SPAG17: variants seen among roughly 807,000 people sequenced by gnomAD.
The protein encoded by SPAG17 is sperm associated antigen 17.
A neutral mutation model predicts 273.6 loss-of-function variants in SPAG17; 169 were observed. That is an observed-to-expected ratio of 0.62 (90% CI 0.55 to 0.70). The LOEUF is 0.70. Ranked by LOEUF, SPAG17 falls within the 30% of genes least tolerant of loss-of-function variation. The pLI is 0.00. For missense variants in SPAG17, 2,557 were observed against 2,627.8 expected, an observed-to-expected ratio of 0.97 and a Z score of 0.59; for synonymous variants, 825 against 873.2, an observed-to-expected ratio of 0.94 and a Z score of 0.97.
rs554279509 is a variant in SPAG17, at chr1:118,160,617, G to A, written c.88-9248C>T. On this transcript the variant is annotated intron_variant, in intron 1 of 48. Transcript: ENST00000336338. Reference sequence around the variant, plus strand: ...TAATTTCTACATCCATCTTGAGTGGGGCATATCCAGGGCTACTTCTACAAA... The same window carrying A: ...TAATTTCTACATCCATCTTGAGTGGAGCATATCCAGGGCTACTTCTACAAA... 9.3e-4 allele frequency among the ~76,000 whole-genome samples: 142 copies of A among 152,236 alleles called. 1 individual carries two copies. The highest frequency in any genetic ancestry group is 3.2e-3 in the African/African-American group (133 of 41,542).
chr1:118,161,178 A>G (rs1024811840), intron 1 of SPAG17, among the ~76,000 whole-genome samples: 4 of 152,164 alleles, frequency 2.6e-5, no homozygotes, highest in African/African-American at 7.2e-5. Context: ...TCTAGAGACT[A>G]TTTCTTGTAA....
In SPAG17 at chr1:118,081,476, A is replaced by G. The variant is rs1391209503; in HGVS notation, c.1929T>C (p.Ala643=). 6.2e-7 allele frequency: 1 copy of G among 1,613,862 alleles called. No individual in the cohort carries two copies. Among genetic ancestry groups the G allele is most frequent in the South Asian group, 1.1e-5 (1 of 91,084 alleles). ...NIPWDNPARF[A]KQIRQQYVMK... ...TGACATATTGCTGCCTTATCTGTTT[A>G]GCAAATCTGGCAGGGTTGTCCCACG... The change falls in exon 14 of 49, where the codon GCT becomes GCC. Residue 643 remains alanine (A), a synonymous_variant. Coordinates refer to ENST00000336338, the MANE Select transcript of SPAG17 (RefSeq NM_206996.4).
At chr1:118,119,942 T>C (rs1471341025) in intron 3 of SPAG17, among the ~76,000 whole-genome samples, 2 of 152,224 alleles carry the variant, frequency 1.3e-5, no homozygotes, top group African/African-American at 4.8e-5. Flanking sequence ...CTTACGTATA[T>C]GGTTTTTAAT....
chr1:117,990,292 T>C (rs1418541935), intron 38 of SPAG17, among the ~76,000 whole-genome samples: 1 of 152,234 alleles, frequency 6.6e-6, no homozygotes, highest in Admixed American at 6.5e-5. Context: ...CAGTTTATGA[T>C]CTTTGCCATA....
chr1:118,079,482 A>C (rs1303197578), intron 15 of SPAG17, among the ~76,000 whole-genome samples: 1 of 151,972 alleles, frequency 6.6e-6, no homozygotes, highest in African/African-American at 2.4e-5. Context: ...TTTATGATTA[A>C]CCTTATATAA....
At chr1:118,023,485 T>C in intron 27 of SPAG17, 22 bp from the exon 28 acceptor site, 11 of 1,597,888 alleles carry the variant, frequency 6.9e-6, no homozygotes, top group Non-Finnish European at 9.4e-6. Context: ...ACAAAAGTTT[T>C]CAGCATTCTC....
chr1:117,980,020 AATATGGGAGGGGTCTAGCTCCATCAG>A (rs372352717), intron 43 of SPAG17, among the ~76,000 whole-genome samples: 6 of 152,152 alleles, frequency 3.9e-5, no homozygotes, highest in East Asian at 1.9e-4. Context: ...GTTTGCCCAT[AATATGGGAGGGGTCTAGCTCCATCAG>A]ATATGGGAGG....
intron 20 of SPAG17, among the ~76,000 whole-genome samples, chr1:118,051,502 C>T (rs1230752626): frequency 6.6e-6 from 1 of 150,772 alleles, no homozygotes; most frequent in African/African-American, 2.4e-5. Context: ...ATCTAGGACG[C>T]TTACATCCAT....
In SPAG17 at chr1:118,101,647, C is replaced by T. The variant is rs181299029; in HGVS notation, c.634+93G>A. On this transcript the variant is annotated intron_variant, in intron 5 of 48. Transcript: ENST00000336338. ...GGGGAATTGGCGTCAGGAAACTATGCGCTCTATGTGAGTCACCAAATTAAC... is the reference window on the plus strand; with the variant it reads ...GGGGAATTGGCGTCAGGAAACTATGTGCTCTATGTGAGTCACCAAATTAAC... The T allele has an allele frequency of 5.5e-3, 6,873 of 1,241,302 alleles. 31 individuals are homozygous for T. Among genetic ancestry groups the T allele is most frequent in the Non-Finnish European group, 6.8e-3 (5,970 of 883,416 alleles). The allele number at this position is 1,241,302 out of a possible 1,614,324, so 76.9% of individuals were successfully genotyped here.
chr1:118,066,762 G>T lies in SPAG17; in HGVS notation c.2523C>A (p.His841Gln). Residue 841 changes from histidine to glutamine, a missense_variant, in exon 18 of 49, where the codon CAC becomes CAA. Transcript: ENST00000336338. The part of the protein sequence containing the change: ...LHCEYWNIAL[H>Q]SNVGFRNYLE... ...TTTGTTACCTGAATCCAACATTGGA[G>T]TGGAGAGCAATGTTCCAATATTCAC... The T allele has an allele frequency of 6.2e-7, 1 of 1,610,294 alleles. No homozygotes were observed. The highest frequency in any genetic ancestry group is 8.5e-7 in the Non-Finnish European group (1 of 1,178,960).
chr1:118,081,157 C>A lies in SPAG17; in HGVS notation c.2153G>T (p.Arg718Ile). The A allele has an allele frequency of 6.2e-7, 1 of 1,613,890 alleles. No homozygotes were observed. The highest frequency in any genetic ancestry group is 1.1e-5 in the South Asian group (1 of 91,054). ...NNLKLSVPDN[R>I]QLLEQESIMK... ...GATGCTCTCCTGCTCTAACAGCTGT[C>A]TATTATCAGGGACTGAGAGTTTGAG... The change falls in exon 15 of 49, where the codon AGA becomes ATA. Residue 718 changes from arginine to isoleucine, a missense_variant. Arg to Ile is a moderately conservative substitution (Grantham distance 97, BLOSUM62 -3). Transcript: ENST00000336338.
chr1:118,027,770 T>C (rs1647924199), intron 26 of SPAG17, among the ~76,000 whole-genome samples: 1 of 152,246 alleles, frequency 6.6e-6, no homozygotes. Context: ...TATAAAATTA[T>C]ATATAGATAC....
Position 117,981,283 on chromosome 1 carries a change from T to G in SPAG17, c.5991A>C (p.Thr1997=). Residue 1997 remains threonine (T), a synonymous_variant, in exon 43 of 49, where the codon ACA becomes ACC. Coordinates refer to ENST00000336338, the MANE Select transcript of SPAG17 (RefSeq NM_206996.4). Reference sequence around the variant, plus strand: ...AGACTGCCATACCTTCAGGAGATTTTGTTAAATTTTCAGTTTGGTTCTGAG... The same window carrying G: ...AGACTGCCATACCTTCAGGAGATTTGGTTAAATTTTCAGTTTGGTTCTGAG... ...FTAQNQTENL[T]KSPEEAESYE... is the part of the protein sequence containing the mutation. 3 of 1,568,944 alleles carry G rather than the reference T, an allele frequency of 1.9e-6. No homozygotes were observed. Among genetic ancestry groups the G allele is most frequent in the Non-Finnish European group, 2.6e-6 (3 of 1,167,562 alleles).
intron 22 of SPAG17, among the ~76,000 whole-genome samples, chr1:118,040,301 T>C (rs768645309): frequency 6.6e-6 from 1 of 152,154 alleles, no homozygotes; most frequent in South Asian, 2.1e-4. Flanking sequence ...TAGTAAGAGC[T>C]ACAATAGGTG....
At position 117,967,325 on chromosome 1, in the gene SPAG17, C is replaced by T. The variant is rs535550496; in HGVS notation, c.6388-572G>A. Among the ~76,000 whole-genome samples the T allele has an allele frequency of 8.8e-4, 131 of 148,594 alleles. 1 individual carries two copies. In the East Asian group the frequency reaches 0.023, roughly 26 times the overall value. Reference sequence around the variant, plus strand: ...AAAAAAAAAAAAAAAAAAAATTCATCTAACAGACTTGGTGACTACCATAAC... The same window carrying T: ...AAAAAAAAAAAAAAAAAAAATTCATTTAACAGACTTGGTGACTACCATAAC... On this transcript the variant is annotated intron_variant, in intron 46 of 48. Coordinates refer to ENST00000336338, the MANE Select transcript of SPAG17 (RefSeq NM_206996.4).
intron 4 of SPAG17, among the ~76,000 whole-genome samples, chr1:118,112,262 T>C (rs1656805959): frequency 6.6e-6 from 1 of 151,968 alleles, no homozygotes; most frequent in Non-Finnish European, 1.5e-5. Flanking sequence ...AAAATGTGAG[T>C]AGATATATAA....
chr1:118,085,964 G>A lies in SPAG17; in HGVS notation c.1720C>T (p.Arg574Cys), dbSNP rs765764424. 83 of 1,612,868 alleles carry A rather than the reference G, an allele frequency of 5.1e-5. No homozygotes were observed. The highest frequency in any genetic ancestry group is 6.7e-5 in the East Asian group (3 of 44,796). The change falls in exon 13 of 49, where the codon CGT becomes TGT. Residue 574 changes from arginine to cysteine, a missense_variant. Physicochemically the swap from Arg to Cys is radical, Grantham distance 180. Coordinates refer to ENST00000336338, the MANE Select transcript of SPAG17 (RefSeq NM_206996.4). ...ATAAGCTCATGAATTGTAGCTAGAC[G>A]TTTAGTGTTGTTCCATGGTGGGGGT... Reference protein sequence around the residue: ...PLPPPWNNTKRLATIHELMHF... With the variant: ...PLPPPWNNTKCLATIHELMHF...
intron 30 of SPAG17, among the ~76,000 whole-genome samples, chr1:118,010,562 C>T (rs1041819915): frequency 6.6e-6 from 1 of 152,020 alleles, no homozygotes; most frequent in Admixed American, 6.6e-5. Context: ...GAATAATTAT[C>T]TAAAGATGAA....
At chr1:118,182,396 A>G (rs1660991946) in intron 1 of SPAG17, among the ~76,000 whole-genome samples, 1 of 152,192 alleles carries the variant, frequency 6.6e-6, no homozygotes, top group African/African-American at 2.4e-5. Flanking sequence ...ATTGCATGGA[A>G]AGATTTTAAT....
Sources: allele counts gnomAD v4.1 joint callset (sites outside exome capture counted in the v4.1 genomes callset), GRCh38; gene constraint gnomAD v4.1.1; transcripts MANE v1.5; gene names NCBI Gene and HGNC (gene_info 2026-07-23, HGNC 2026-07-21).